PPIP5K2: variants seen among roughly 807,000 people sequenced by gnomAD.
PPIP5K2 encodes the protein inositol hexakisphosphate and diphosphoinositol-pentakisphosphate kinase 2.
Under a neutral mutation model 154.6 loss-of-function variants are expected in PPIP5K2, and 105 were observed. That is an observed-to-expected ratio of 0.68 (90% confidence interval 0.58 to 0.80). The LOEUF is 0.80. PPIP5K2 is among the 30% of genes least tolerant of loss of function. The pLI, the probability that PPIP5K2 is intolerant of heterozygous loss-of-function variation, is 0.00. For synonymous variants in PPIP5K2, 480 were observed against 490.3 expected (o/e 0.98, Z 0.28); for missense variants, 992 against 1,504.6 (o/e 0.66, Z 5.64).
At chr5:103,194,809 A>T in intron 29 of PPIP5K2, 91 bp from the exon 30 acceptor site, 2 of 1,368,068 alleles carry the variant, frequency 1.5e-6, no homozygotes, top group Non-Finnish European at 2.0e-6. Context: ...GAATATTCGT[A>T]GGGTCACTAA....
intron 28 of PPIP5K2, among the ~76,000 whole-genome samples, chr5:103,189,842 C>T (rs570661938): frequency 2.0e-5 from 3 of 152,016 alleles, no homozygotes; most frequent in Non-Finnish European, 4.4e-5. Flanking sequence ...CCTATTGAAG[C>T]AGAATGTTGC....
intron 5 of PPIP5K2, among the ~76,000 whole-genome samples, chr5:103,139,071 G>A (rs1792084897): frequency 6.6e-6 from 1 of 152,208 alleles, no homozygotes. Flanking sequence ...CGTATGACAA[G>A]GGGCAACAGT....
At chr5:103,165,861 T>C (rs1554217692) in intron 17 of PPIP5K2, among the ~76,000 whole-genome samples, 1 of 152,102 alleles carries the variant, frequency 6.6e-6, no homozygotes, top group African/African-American at 2.4e-5. Context: ...GCCAGTACCA[T>C]AGACATCTCA....
intron 14 of PPIP5K2, 41 bp downstream of exon 14, chr5:103,156,035 G>A (rs370813850): frequency 2.6e-5 from 35 of 1,327,934 alleles, no homozygotes; most frequent in Non-Finnish European, 3.8e-5. Context: ...TTTATATGTA[G>A]TAACTTGTTA....
intron 29 of PPIP5K2, among the ~76,000 whole-genome samples, chr5:103,191,539 C>A (rs1478976590): frequency 6.6e-6 from 1 of 152,060 alleles, no homozygotes; most frequent in Non-Finnish European, 1.5e-5. Context: ...TATGTTATAT[C>A]CCACCTCCCT....
intron 14 of PPIP5K2, among the ~76,000 whole-genome samples, chr5:103,156,877 T>C (rs1554213657): frequency 6.6e-6 from 1 of 152,214 alleles, no homozygotes; most frequent in Non-Finnish European, 1.5e-5. Flanking sequence ...CAAAAATTAA[T>C]GATTATCTTA....
chr5:103,203,026 A>G lies in PPIP5K2; in HGVS notation c.*1392A>G, dbSNP rs1580524311. ...GATGTAAGAGTCATAAATATATGCA[A>G]TTAAAGAAGTTCATAGATTTCACAT... is the stretch of plus-strand genomic sequence containing the variant. On this transcript the variant is annotated 3_prime_UTR_variant, in exon 31 of 31. Coordinates refer to ENST00000358359, the MANE Select transcript of PPIP5K2 (RefSeq NM_001276277.3). 6.6e-6 allele frequency: 1 copy of G among 152,594 alleles called. No individual in the cohort carries two copies. The highest frequency in any genetic ancestry group is 1.5e-5 in the Non-Finnish European group (1 of 68,002). The allele number at this position is 152,594 out of a possible 1,614,324, so 9.5% of individuals were successfully genotyped here. A position where few individuals can be genotyped will look rare whatever the true frequency, so the allele number is the denominator to read the frequency against.
chr5:103,170,020 C>A (rs1797733859), intron 19 of PPIP5K2, among the ~76,000 whole-genome samples: 2 of 151,442 alleles, frequency 1.3e-5, no homozygotes, highest in Non-Finnish European at 3.0e-5. Context: ...CTTATTTAAT[C>A]TCACCCCTCT....
At chr5:103,178,160 C>A (rs1350111516) in intron 23 of PPIP5K2, among the ~76,000 whole-genome samples, 180 bp downstream of exon 23, 1 of 151,826 alleles carries the variant, frequency 6.6e-6, no homozygotes, top group Non-Finnish European at 1.5e-5. Flanking sequence ...TATTGCAATA[C>A]CTAGGAATTT....
intron 5 of PPIP5K2, among the ~76,000 whole-genome samples, chr5:103,139,482 A>G (rs1014691236): frequency 6.6e-6 from 1 of 152,218 alleles, no homozygotes; most frequent in African/African-American, 2.4e-5. Flanking sequence ...GTGCTAATAC[A>G]GCTGCAGTGA....
At position 103,158,248 on chromosome 5, in the gene PPIP5K2, C is replaced by T. The variant is rs782146262; in HGVS notation, c.1550C>T (p.Pro517Leu). Residue 517 changes from proline to leucine, a missense_variant, in exon 15 of 31, where the codon CCT becomes CTT. Pro to Leu is a moderately conservative substitution (Grantham distance 98). Transcript: ENST00000358359. The stretch of plus-strand genomic sequence containing the variant: ...CTAAAATGGGGAGGTGAATTAACTC[C>T]TGCAGGCAGGGTCCAGGCTGAAGAA... ...LVLKWGGELT[P>L]AGRVQAEELG... The T allele has an allele frequency of 1.9e-6, 3 of 1,614,066 alleles. No homozygotes were observed. The highest frequency in any genetic ancestry group is 1.1e-5 in the South Asian group (1 of 91,084).
chr5:103,210,780 G>C lies in PPIP5K2; in HGVS notation c.*9146G>C, dbSNP rs944980016. On this transcript the variant is annotated 3_prime_UTR_variant, in exon 31 of 31. Transcript: ENST00000358359. Reference sequence around the variant, plus strand: ...GTATAATACTTATAATAACAATTTTGAGAATTATCAGCATGAGACAATTTA... The same window carrying C: ...GTATAATACTTATAATAACAATTTTCAGAATTATCAGCATGAGACAATTTA... 2.0e-4 allele frequency: 31 copies of C among 152,056 alleles called. No individual in the cohort carries two copies. Among genetic ancestry groups the C allele is most frequent in the African/African-American group, 6.5e-4 (27 of 41,420 alleles). 9.4% of individuals were successfully genotyped at this position (152,056 alleles called of 1,614,324 possible). A position where few individuals can be genotyped will look rare whatever the true frequency, so the allele number is the denominator to read the frequency against.
At chr5:103,128,770 G>C (rs1054067211) in intron 1 of PPIP5K2, among the ~76,000 whole-genome samples, 1 of 151,990 alleles carries the variant, frequency 6.6e-6, no homozygotes, top group Non-Finnish European at 1.5e-5. Flanking sequence ...ATGAAATCTT[G>C]TTCTGACTCT....
intron 24 of PPIP5K2, 28 bp from the exon 25 acceptor site, chr5:103,183,206 T>TCCCC: frequency 2.2e-6 from 2 of 919,486 alleles, no homozygotes; most frequent in Non-Finnish European, 2.8e-6. Context: ...TTTTTTTTTT[T>TCCCC]TTTTTTTGCC....
chr5:103,159,630 T>C (rs1795919305), intron 17 of PPIP5K2, among the ~76,000 whole-genome samples: 1 of 152,168 alleles, frequency 6.6e-6, no homozygotes, highest in African/African-American at 2.4e-5. Context: ...TTTTTGGCTT[T>C]TTTCTAACTT....
At position 103,177,004 on chromosome 5, in the gene PPIP5K2, A is replaced by C. The variant is rs75615155; in HGVS notation, c.2530-663A>C. The C allele has an allele frequency of 0.011, 9,679 of 865,464 alleles. 637 individuals are homozygous for C. In the African/African-American group the frequency reaches 0.15, roughly 13 times the overall value. The allele number at this position is 865,464 out of a possible 1,614,324, so 53.6% of individuals were successfully genotyped here. A position where few individuals can be genotyped will look rare whatever the true frequency, so the allele number is the denominator to read the frequency against. On this transcript the variant is annotated intron_variant, in intron 21 of 30. Transcript: ENST00000358359. ...ATACTTGTTGATAGGCCTATATTGC[A>C]TACATGAACTATATGATGGTGGGAA...
At chr5:103,143,471 C>A (rs153011) in intron 5 of PPIP5K2, among the ~76,000 whole-genome samples, 150,435 of 152,362 alleles carry the variant, frequency 0.99, 74,268 homozygotes, top group East Asian at 1. Context: ...CATCATGCCC[C>A]GGCAGAAAAT....
Position 103,147,931 on chromosome 5 carries a change from A to G in PPIP5K2, c.643A>G (p.Ile215Val), listed in dbSNP as rs1794005612. Residue 215 changes from isoleucine to valine, a missense_variant and splice_region_variant, in exon 7 of 31, where the codon ATT becomes GTT. Coordinates refer to ENST00000358359, the MANE Select transcript of PPIP5K2 (RefSeq NM_001276277.3). ...GGGSQRLFRK[I>V]GSRSSVYSPE... ...ATCGATGGACATCTTTTGTTTTCAG[A>G]TTGGCAGTAGAAGTAGTGTTTATTC... The G allele has an allele frequency of 6.4e-7, 1 of 1,558,748 alleles. No individual in the cohort carries two copies. Among genetic ancestry groups the G allele is most frequent in the Non-Finnish European group, 8.7e-7 (1 of 1,151,780 alleles).
At position 103,205,101 on chromosome 5, in the gene PPIP5K2, T is replaced by C. The variant is rs1301354537; in HGVS notation, c.*3467T>C. On this transcript the variant is annotated 3_prime_UTR_variant, in exon 31 of 31. Coordinates refer to ENST00000358359, the MANE Select transcript of PPIP5K2 (RefSeq NM_001276277.3). The stretch of plus-strand genomic sequence containing the variant: ...CAGTTCCCTCTTATGAGTGAGAACA[T>C]GCGGTGTTTGGTTTTCTGTCCTTGT... The C allele has an allele frequency of 1.3e-5, 2 of 151,892 alleles. No individual in the cohort carries two copies. The highest frequency in any genetic ancestry group is 4.8e-5 in the African/African-American group (2 of 41,330). 9.4% of individuals were successfully genotyped at this position (151,892 alleles called of 1,614,324 possible). A position where few individuals can be genotyped will look rare whatever the true frequency, so the allele number is the denominator to read the frequency against.
Sources: gnomAD v4.1 joint callset for allele counts (sites outside exome capture counted in the v4.1 genomes callset) on GRCh38, gnomAD v4.1.1 for gene constraint, MANE v1.5 for transcripts, NCBI Gene and HGNC (gene_info 2026-07-23, HGNC 2026-07-21) for gene names.